Variants in SLC35A1 observed in about 807,000 individuals in gnomAD.
SLC35A1 encodes the protein solute carrier family 35 member A1.
In SLC35A1, 21 loss-of-function variants were observed where a neutral mutation model predicts 40.3. The observed-to-expected ratio is 0.52, with a 90% CI of 0.37 to 0.75. The LOEUF is 0.75. Ranked by LOEUF, SLC35A1 falls within the 30% of genes least tolerant of loss-of-function variation. The probability of loss-of-function intolerance (pLI) is 0.00; values close to 1 mark genes in which losing one functional copy is unlikely to be tolerated. For synonymous variants in SLC35A1, 146 were observed against 147.3 expected, an observed-to-expected ratio of 0.99 and a Z score of 0.06; for missense variants, 297 against 382.1, an observed-to-expected ratio of 0.78 and a Z score of 1.86.
At position 87,478,639 on chromosome 6, in the gene SLC35A1, T is replaced by G. The variant is rs572097308; in HGVS notation, c.194+1100T>G. On this transcript the variant is annotated intron_variant, in intron 2 of 7. Transcript: ENST00000369552. The stretch of plus-strand genomic sequence containing the variant: ...TGCAACTGCAAGCATGGCTATCATT[T>G]TGGGAAAGATACCGAGTGAAAGTGT... Among the ~76,000 whole-genome samples the G allele has an allele frequency of 1.4e-4, 22 of 152,350 alleles. No individual in the cohort carries two copies. The South Asian group carries it at 3.7e-3, about 26-fold the overall frequency.
At position 87,499,933 on chromosome 6, in the gene SLC35A1, A is replaced by C. The variant is rs147771311; in HGVS notation, c.195-575A>C. 8.8e-3 allele frequency among the ~76,000 whole-genome samples: 1,340 copies of C among 152,150 alleles called. 27 individuals carry two copies. The highest frequency in any genetic ancestry group is 0.077 in the East Asian group (396 of 5,168). On this transcript the variant is annotated intron_variant, in intron 2 of 7. Coordinates refer to ENST00000369552, the MANE Select transcript of SLC35A1 (RefSeq NM_006416.5). ...GAGTTTGAAACCAGCCTGGCCAACA[A>C]TACTAAAAATACAAAAAATTTAGCT...
intron 5 of SLC35A1, among the ~76,000 whole-genome samples, chr6:87,507,426 A>G (rs779613620): frequency 1.3e-5 from 2 of 152,170 alleles, no homozygotes; most frequent in African/African-American, 4.8e-5. Flanking sequence ...ATTATGTCCA[A>G]CATTTTATTA....
intron 2 of SLC35A1, among the ~76,000 whole-genome samples, chr6:87,482,211 T>C (rs1397029907): frequency 1.3e-5 from 2 of 152,138 alleles, no homozygotes; most frequent in African/African-American, 4.8e-5. Flanking sequence ...TAATTTACCA[T>C]ATAACATTCT....
intron 4 of SLC35A1, among the ~76,000 whole-genome samples, chr6:87,502,334 T>G (rs956509564): frequency 6.6e-6 from 1 of 152,210 alleles, no homozygotes; most frequent in Non-Finnish European, 1.5e-5. Context: ...CCCTTTGTTC[T>G]GAATACCGGA....
intron 2 of SLC35A1, among the ~76,000 whole-genome samples, chr6:87,493,949 G>A (rs1208833450): frequency 4.6e-5 from 7 of 152,158 alleles, no homozygotes; most frequent in African/African-American, 1.7e-4. Flanking sequence ...AAAAGAAAAA[G>A]GGAGTGTGGG....
intron 7 of SLC35A1, among the ~76,000 whole-genome samples, chr6:87,510,796 G>C (rs755075319): frequency 6.6e-6 from 1 of 151,930 alleles, no homozygotes; most frequent in Admixed American, 6.6e-5. Flanking sequence ...GCTTGGACCT[G>C]GGAGGCAGAG....
At chr6:87,508,941 CTAGG>C in intron 6 of SLC35A1, 96 bp from the exon 7 acceptor site, 1 of 1,288,002 alleles carries the variant, frequency 7.8e-7, no homozygotes. Context: ...TTTCCTTTTC[CTAGG>C]TAAAGTATGG....
chr6:87,496,822 A>T (rs1371754227), intron 2 of SLC35A1, among the ~76,000 whole-genome samples: 3 of 151,316 alleles, frequency 2.0e-5, no homozygotes, highest in Non-Finnish European at 4.4e-5. Flanking sequence ...AGAAAATATA[A>T]GTTCCGGAAA....
In SLC35A1 at chr6:87,477,433, G is replaced by C; in HGVS notation, c.88G>C (p.Ala30Pro). 1 of 1,613,734 alleles carries C rather than the reference G, an allele frequency of 6.2e-7. No homozygotes were observed. Among genetic ancestry groups the C allele is most frequent in the Non-Finnish European group, 8.5e-7 (1 of 1,179,754 alleles). The part of the protein sequence containing the change: ...MTLMAAVYTI[A>P]LRYTRTSDKE... ...CCTGATGGCTGCAGTCTATACCATA[G>C]CTTTAAGATACACAAGGACATCAGA... The change falls in exon 2 of 8, where the codon GCT (alanine) becomes CCT (proline). Residue 30 changes from alanine (A) to proline (P), a missense_variant. By Grantham distance (27) the Ala-to-Pro change is conservative. Coordinates refer to ENST00000369552, the MANE Select transcript of SLC35A1 (RefSeq NM_006416.5).
chr6:87,483,514 G>A (rs116320970), intron 2 of SLC35A1, among the ~76,000 whole-genome samples: 180 of 152,146 alleles, frequency 1.2e-3, no homozygotes, highest in African/African-American at 3.9e-3. Context: ...TCAACCCCTC[G>A]TAATGGGGAT....
chr6:87,508,114 A>G (rs1770142440), intron 5 of SLC35A1, among the ~76,000 whole-genome samples: 1 of 152,154 alleles, frequency 6.6e-6, no homozygotes. Flanking sequence ...AGTAGTACAG[A>G]GAGCTTTTGT....
intron 5 of SLC35A1, 63 bp downstream of exon 5, chr6:87,506,511 CACCA>C: frequency 3.2e-6 from 4 of 1,259,840 alleles, no homozygotes; most frequent in Middle Eastern, 1.9e-4. Context: ...AAACTTTAGA[CACCA>C]GTCTAGTTTA....
chr6:87,504,362 T>C (rs78075029), intron 4 of SLC35A1, among the ~76,000 whole-genome samples: 2 of 152,336 alleles, frequency 1.3e-5, no homozygotes, highest in East Asian at 3.9e-4. Context: ...GATACTATTC[T>C]TAAATTCCTG....
At chr6:87,488,066 G>A (rs1769438171) in intron 2 of SLC35A1, 1 of 152,122 alleles carries the variant, frequency 6.6e-6, no homozygotes, top group Admixed American at 6.5e-5. Context: ...AGGAAAAACA[G>A]ATTTGGGGGA....
chr6:87,511,539 G>A lies in SLC35A1; in HGVS notation c.*13G>A, dbSNP rs755371795. ...TATTGGTGTGTGATTTTAGCCTCACGTGAGACTCCTTTTAAGACTAAACCA... is the reference window on the plus strand; with the variant it reads ...TATTGGTGTGTGATTTTAGCCTCACATGAGACTCCTTTTAAGACTAAACCA... On this transcript the variant is annotated 3_prime_UTR_variant, in exon 8 of 8. Transcript: ENST00000369552. 3.1e-6 allele frequency: 5 copies of A among 1,613,570 alleles called. No homozygotes were observed. The highest frequency in any genetic ancestry group is 1.7e-5 in the Admixed American group (1 of 59,992).
chr6:87,508,984 A>G (rs911157840), intron 6 of SLC35A1, 57 bp from the exon 7 acceptor site: 24 of 1,586,968 alleles, frequency 1.5e-5, no homozygotes, highest in Non-Finnish European at 1.9e-5. Context: ...TTGCCTCACC[A>G]TTATGTAATG....
Position 87,489,535 on chromosome 6 carries a change from C to CTT in SLC35A1, c.195-10951_195-10950dup, listed in dbSNP as rs36003216. On this transcript the variant is annotated intron_variant, in intron 2 of 7. Coordinates refer to ENST00000369552, the MANE Select transcript of SLC35A1 (RefSeq NM_006416.5). ...ACTTCTCAGCCTGCTCAACTGTGAGCTTTTTTTTTTTTTTTTTTTTTTTGT... is the reference window on the plus strand; with the variant it reads ...ACTTCTCAGCCTGCTCAACTGTGAGCTTTTTTTTTTTTTTTTTTTTTTTTTGT... Among the ~76,000 whole-genome samples the CTT allele has an allele frequency of 6.5e-3, 639 of 99,034 alleles. 5 individuals are homozygous for CTT. The highest frequency in any genetic ancestry group is 0.011 in the African/African-American group (244 of 22,384). 65.0% of individuals were successfully genotyped at this position (99,034 alleles called of 152,430 possible).
At chr6:87,473,857 G>A (rs778825012) in intron 1 of SLC35A1, among the ~76,000 whole-genome samples, 5 of 152,218 alleles carry the variant, frequency 3.3e-5, no homozygotes, top group Non-Finnish European at 5.9e-5. Context: ...CCTCCATAGA[G>A]CACTTGGCTT....
intron 2 of SLC35A1, among the ~76,000 whole-genome samples, chr6:87,495,002 C>T (rs979233911): frequency 6.6e-6 from 1 of 151,972 alleles, no homozygotes; most frequent in Non-Finnish European, 1.5e-5. Context: ...CAGGGTATCA[C>T]TCTGTCACCC....
Sources: gnomAD v4.1 joint callset for allele counts (sites outside exome capture counted in the v4.1 genomes callset) on GRCh38, gnomAD v4.1.1 for gene constraint, MANE v1.5 for transcripts, NCBI Gene and HGNC (gene_info 2026-07-23, HGNC 2026-07-21) for gene names.